The following SYN3 variants were observed in gnomAD, a reference collection of about 807,000 sequenced individuals.
The protein encoded by SYN3 is synapsin III, also known as synapsin-3.
Under a neutral mutation model 65.8 loss-of-function variants are expected in SYN3, and 35 were observed. The ratio of observed to expected loss-of-function variants is 0.53; its 90% confidence interval spans 0.41 to 0.70. The LOEUF (loss-of-function observed/expected upper bound fraction) is 0.70. Among genes scored for constraint, SYN3 ranks in the 30% least tolerant of loss-of-function variants. The pLI is 0.00. For missense variants in SYN3, 680 were observed against 749.0 expected (o/e 0.91, Z 1.08); for synonymous variants, 270 against 292.9 (o/e 0.92, Z 0.80).
intron 1 of SYN3, among the ~76,000 whole-genome samples, chr22:33,028,953 T>G (rs956587125): frequency 3.3e-5 from 5 of 151,168 alleles, no homozygotes; most frequent in Admixed American, 3.3e-4. Context: ...GGCAGGAGAA[T>G]GGTGTAAACC....
intron 4 of SYN3, among the ~76,000 whole-genome samples, chr22:32,906,449 C>T (rs534087724): frequency 2.6e-5 from 4 of 152,266 alleles, no homozygotes; most frequent in African/African-American, 7.2e-5. Context: ...TGCCATTTTG[C>T]CCATCAGTGA....
chr22:32,670,031 G>A (rs1236353357), intron 6 of SYN3, among the ~76,000 whole-genome samples: 3 of 152,148 alleles, frequency 2.0e-5, no homozygotes, highest in Non-Finnish European at 4.4e-5. Flanking sequence ...ACTAGCCCCA[G>A]ACTGCTTACT....
chr22:32,723,606 T>C (rs2061149525), intron 6 of SYN3, among the ~76,000 whole-genome samples: 1 of 152,218 alleles, frequency 6.6e-6, no homozygotes, highest in Non-Finnish European at 1.5e-5. Context: ...TTTCAGGAGA[T>C]GAACTTCCAA....
chr22:32,799,323 A>G (rs1046168118), intron 6 of SYN3, among the ~76,000 whole-genome samples: 1 of 152,208 alleles, frequency 6.6e-6, no homozygotes, highest in Non-Finnish European at 1.5e-5. Flanking sequence ...AGCTTAGGAT[A>G]GGGAGTGAGA....
intron 6 of SYN3, among the ~76,000 whole-genome samples, chr22:32,604,593 GCTGAAATT>G (rs2059339436): frequency 1.3e-5 from 2 of 151,584 alleles, no homozygotes; most frequent in South Asian, 4.2e-4. Context: ...TCATGTCTCC[GCTGAAATT>G]CTGTCCCTGA....
intron 3 of SYN3, among the ~76,000 whole-genome samples, chr22:32,955,621 C>G (rs989061978): frequency 6.6e-5 from 10 of 152,010 alleles, no homozygotes; most frequent in African/African-American, 2.4e-4. Context: ...GTGCAACCAC[C>G]ACCGCTAACC....
At chr22:32,535,537 C>A (rs948755837) in intron 9 of SYN3, among the ~76,000 whole-genome samples, 8 of 152,190 alleles carry the variant, frequency 5.3e-5, no homozygotes, top group African/African-American at 1.9e-4. Context: ...GTTTTTGGCC[C>A]CAGTGGCTGA....
At chr22:32,589,357 C>A (rs1037883891) in intron 7 of SYN3, among the ~76,000 whole-genome samples, 1 of 152,170 alleles carries the variant, frequency 6.6e-6, no homozygotes, top group Non-Finnish European at 1.5e-5. Flanking sequence ...AGGGTCACCT[C>A]CATGGTGTCT....
chr22:33,046,054 A>AC (rs1349952619), intron 1 of SYN3, among the ~76,000 whole-genome samples: 1 of 152,258 alleles, frequency 6.6e-6, no homozygotes, highest in Non-Finnish European at 1.5e-5. Flanking sequence ...CACTTCGCCA[A>AC]AGAGAATATA....
intron 7 of SYN3, among the ~76,000 whole-genome samples, chr22:32,550,605 T>C (rs2058399175): frequency 6.6e-6 from 1 of 151,960 alleles, no homozygotes; most frequent in East Asian, 1.9e-4. Flanking sequence ...ATCTAAGATT[T>C]GAATTCAAAA....
chr22:32,913,670 T>C (rs2050115581), intron 4 of SYN3, among the ~76,000 whole-genome samples: 2 of 152,034 alleles, frequency 1.3e-5, no homozygotes, highest in Non-Finnish European at 2.9e-5. Context: ...ACACAGTGTG[T>C]GGGGAAATGC....
chr22:32,953,838 C>T (rs2051364149), intron 3 of SYN3, among the ~76,000 whole-genome samples: 1 of 152,136 alleles, frequency 6.6e-6, no homozygotes, highest in Admixed American at 6.5e-5. Flanking sequence ...CCCCCTCCTC[C>T]TTCTTCATCA....
chr22:32,767,512 G>C (rs539504165), intron 6 of SYN3, among the ~76,000 whole-genome samples: 2 of 152,270 alleles, frequency 1.3e-5, no homozygotes, highest in East Asian at 1.9e-4. Flanking sequence ...TCCTCAGAAA[G>C]GGCCTATGGA....
chr22:32,664,338 G>A (rs2060258886), intron 6 of SYN3, among the ~76,000 whole-genome samples: 1 of 152,200 alleles, frequency 6.6e-6, no homozygotes, highest in Non-Finnish European at 1.5e-5. Flanking sequence ...CAAGGCCAGG[G>A]AGACTTGGCC....
chr22:33,040,173 G>C lies in SYN3; in HGVS notation c.-163+18119C>G, dbSNP rs138481781. Among the ~76,000 whole-genome samples, 439 of 151,348 alleles carry C rather than the reference G, an allele frequency of 2.9e-3. 4 individuals carry two copies. The highest frequency in any genetic ancestry group is 0.01 in the African/African-American group (426 of 41,344). ...ATATATTTTTTGTATTTTTAATAGA[G>C]ATTTTTGTATTTTAATAGAGATCCA... On this transcript the variant is annotated intron_variant, in intron 1 of 13. Coordinates refer to ENST00000358763, the MANE Select transcript of SYN3 (RefSeq NM_003490.4).
chr22:32,937,735 G>T (rs534540554), intron 3 of SYN3, among the ~76,000 whole-genome samples: 1 of 152,046 alleles, frequency 6.6e-6, no homozygotes, highest in South Asian at 2.1e-4. Flanking sequence ...GATTTAGGTG[G>T]GGCACAGAGC....
chr22:32,818,809 G>C (rs143514005), intron 6 of SYN3, among the ~76,000 whole-genome samples: 1 of 152,270 alleles, frequency 6.6e-6, no homozygotes, highest in African/African-American at 2.4e-5. Context: ...CAAGAGATTC[G>C]CAGGTAGGGC....
At chr22:32,553,757 T>C (rs2058450447) in intron 7 of SYN3, among the ~76,000 whole-genome samples, 5 of 152,116 alleles carry the variant, frequency 3.3e-5, no homozygotes, top group Admixed American at 3.3e-4. Context: ...CCCAGTGAGG[T>C]GGGGCCTGGT....
In SYN3 at chr22:32,829,252, T is replaced by A. The variant is rs114676845; in HGVS notation, c.711+35663A>T. ...CTGATACCCTCTTTGATCTAAACCC[T>A]CCTTTCGTGATCACGCCTGGTGGCT... On this transcript the variant is annotated intron_variant, in intron 6 of 13. Transcript: ENST00000358763. Among the ~76,000 whole-genome samples the A allele has an allele frequency of 5.9e-3, 904 of 152,276 alleles. 6 individuals carry two copies. The highest frequency in any genetic ancestry group is 0.02 in the African/African-American group (834 of 41,554).
Sources: allele counts gnomAD v4.1 joint callset (sites outside exome capture counted in the v4.1 genomes callset), GRCh38; gene constraint gnomAD v4.1.1; transcripts MANE v1.5; gene names NCBI Gene and HGNC (gene_info 2026-07-23, HGNC 2026-07-21).